The following EI24 variants were observed in gnomAD, a reference collection of about 807,000 sequenced individuals.
The protein encoded by EI24 is EI24 autophagy associated transmembrane protein.
Under a neutral mutation model 48.6 loss-of-function variants are expected in EI24, and 21 were observed. The observed-to-expected ratio is 0.43, with a 90% confidence interval of 0.31 to 0.62. The LOEUF (loss-of-function observed/expected upper bound fraction) is 0.62, where lower values mean the gene tolerates loss of function less well. Ranked by LOEUF, EI24 falls within the 20% of genes least tolerant of loss-of-function variation. The pLI is 0.10. For synonymous variants in EI24, 114 were observed against 145.5 expected (o/e 0.78, Z 1.56); for missense variants, 280 against 410.5 (o/e 0.68, Z 2.75).
intron 10 of EI24, among the ~76,000 whole-genome samples, 176 bp downstream of exon 10, chr11:125,582,596 A>G (rs1425103079): frequency 1.3e-5 from 2 of 152,226 alleles, no homozygotes; most frequent in Non-Finnish European, 2.9e-5. Flanking sequence ...CCATGCATAT[A>G]TGCACATGAG....
At chr11:125,577,361 C>T (rs1049175024) in intron 4 of EI24, 143 bp from the exon 5 acceptor site, 9 of 692,708 alleles carry the variant, frequency 1.3e-5, no homozygotes, top group Non-Finnish European at 2.2e-5. Context: ...CAAAGTGAAC[C>T]ACCGCGCATG....
In EI24 at chr11:125,578,091, TTCCATTTC is replaced by T. The variant is rs3831427; in HGVS notation, c.317-32_317-25del. On this transcript the variant is annotated intron_variant, in intron 5 of 10. Transcript: ENST00000278903. ...GGGTTCCGCATTTGGTCTTCTGGATTTCCATTTCTCCATTTCTAGTAACTCGTTTCCTC... is the reference window on the plus strand; with the variant it reads ...GGGTTCCGCATTTGGTCTTCTGGATTTCCATTTCTAGTAACTCGTTTCCTC... 637 of 1,611,228 alleles carry T rather than the reference TTCCATTTC, an allele frequency of 4.0e-4. 6 individuals carry two copies. In the East Asian group the frequency reaches 0.013, roughly 34 times the overall value.
intron 2 of EI24, among the ~76,000 whole-genome samples, chr11:125,574,547 T>C (rs1345498419): frequency 1.3e-5 from 2 of 152,236 alleles, no homozygotes; most frequent in Non-Finnish European, 2.9e-5. Context: ...CCAGCTATTA[T>C]TTCTAAAATT....
At chr11:125,577,697 T>C (rs1048723037) in intron 5 of EI24, 127 bp downstream of exon 5, 2 of 809,532 alleles carry the variant, frequency 2.5e-6, no homozygotes, top group East Asian at 2.6e-5. Context: ...TTTTGTTGTT[T>C]TATTCTTTTT....
rs572710406 is a variant in EI24 at position 125,580,872 on chromosome 11, T to G, written c.674-339T>G. 1.9e-5 allele frequency: 3 copies of G among 153,904 alleles called. No individual in the cohort carries two copies. In the East Asian group the frequency reaches 5.7e-4, roughly 29 times the overall value. The allele number at this position is 153,904 out of a possible 1,614,324, so 9.5% of individuals were successfully genotyped here. ...TGGGTGGATCGCCTGAGGTCAGGAG[T>G]TCAAGACCAGCTTGGCCAATATGGT... On this transcript the variant is annotated intron_variant, in intron 8 of 10. Transcript: ENST00000278903.
At chr11:125,582,187 C>T (rs369272816) in intron 9 of EI24, among the ~76,000 whole-genome samples, 159 bp from the exon 10 acceptor site, 7 of 151,208 alleles carry the variant, frequency 4.6e-5, no homozygotes, top group Non-Finnish European at 7.4e-5. Flanking sequence ...GACAAGAACG[C>T]GACTCCATCT....
chr11:125,581,250 A>G lies in EI24; in HGVS notation c.713A>G (p.Asn238Ser). The change falls in exon 9 of 11, where the codon AAT (asparagine) becomes AGT (serine). Residue 238 changes from asparagine to serine, a missense_variant. Asn to Ser is a conservative substitution (Grantham distance 46, BLOSUM62 1). Transcript: ENST00000278903. ...CAGCGGTTGTCTAACATAGAAAGGA[A>G]TTGGCCTTACTACTTTGGGTTTGGT... Reference protein sequence around the residue: ...MHQRLSNIERNWPYYFGFGLP... With the variant: ...MHQRLSNIERSWPYYFGFGLP... 1 of 1,612,420 alleles carries G rather than the reference A, an allele frequency of 6.2e-7. No individual in the cohort carries two copies. Among genetic ancestry groups the G allele is most frequent in the Non-Finnish European group, 8.5e-7 (1 of 1,178,974 alleles).
chr11:125,579,179 A>G (rs760314605), intron 7 of EI24, 111 bp downstream of exon 7: 6 of 928,606 alleles, frequency 6.5e-6, no homozygotes, highest in Non-Finnish European at 8.8e-6. Context: ...TATTATATAT[A>G]TGCTGGTGGG....
At chr11:125,578,372 G>A (rs1017151498) in intron 6 of EI24, 115 bp downstream of exon 6, 4 of 1,338,672 alleles carry the variant, frequency 3.0e-6, no homozygotes, top group Non-Finnish European at 1.0e-6. Flanking sequence ...CAGCCTTAAT[G>A]TTTCTTGGCC....
Position 125,575,342 on chromosome 11 carries a change from G to A in EI24, c.122G>A (p.Arg41His), listed in dbSNP as rs559933286. The change falls in exon 3 of 11, where the codon CGT becomes CAT. Residue 41 changes from arginine to histidine, a missense_variant. Arg to His is a conservative substitution (Grantham distance 29). Transcript: ENST00000278903. ...ATCCAGCAAAAGAGAGAGGAGCAGC[G>A]TCGAAGAAGGGCAAGTAGTGTCTTG... Reference protein sequence around the residue: ...ARIQQKREEQRRRRASSVLAQ... With the variant: ...ARIQQKREEQHRRRASSVLAQ... 2.8e-5 allele frequency: 45 copies of A among 1,581,214 alleles called. No individual in the cohort carries two copies. Among genetic ancestry groups the A allele is most frequent in the East Asian group, 2.1e-4 (9 of 43,224 alleles).
intron 2 of EI24, among the ~76,000 whole-genome samples, chr11:125,574,566 C>G (rs1938658500): frequency 6.6e-6 from 1 of 152,196 alleles, no homozygotes; most frequent in Non-Finnish European, 1.5e-5. Context: ...TTCGTTTTGT[C>G]TGATAACAGT....
At chr11:125,570,007 G>T (rs1370945168) in intron 1 of EI24, 1 of 153,584 alleles carries the variant, frequency 6.5e-6, no homozygotes, top group Non-Finnish European at 1.4e-5. Flanking sequence ...TGTTTGCCGA[G>T]ACTTGGGTTT....
chr11:125,574,362 C>CAT (rs1938651284), intron 2 of EI24, among the ~76,000 whole-genome samples: 2 of 152,152 alleles, frequency 1.3e-5, no homozygotes, highest in African/African-American at 4.8e-5. Flanking sequence ...ATCATCCTAG[C>CAT]ATGTACTAGG....
chr11:125,572,335 T>C (rs545185273), intron 1 of EI24, 123 bp from the exon 2 acceptor site: 1 of 606,854 alleles, frequency 1.6e-6, no homozygotes, highest in East Asian at 2.7e-5. Flanking sequence ...ACTCTATTAG[T>C]GCTAGAATCT....
chr11:125,571,113 C>T (rs550229490), intron 1 of EI24, among the ~76,000 whole-genome samples: 25 of 152,160 alleles, frequency 1.6e-4, no homozygotes, highest in Non-Finnish European at 3.2e-4. Flanking sequence ...TTCTGAATGG[C>T]ATTAGTCCAG....
At chr11:125,571,678 A>G (rs1282232957) in intron 1 of EI24, among the ~76,000 whole-genome samples, 1 of 152,100 alleles carries the variant, frequency 6.6e-6, no homozygotes, top group East Asian at 1.9e-4. Flanking sequence ...GGAGTTTGAG[A>G]TCAGCCTGGC....
In EI24 at chr11:125,583,651, C is replaced by T; in HGVS notation, c.991C>T (p.Pro331Ser). ...AEKFPSPHPSPAKLKATAGH is the reference protein window; with the variant it reads ...AEKFPSPHPSSAKLKATAGH ...GAAGTTCCCTTCACCGCATCCGTCG[C>T]CTGCCAAACTGAAGGCTACTGCAGG... is the stretch of plus-strand genomic sequence containing the variant. The change falls in exon 11 of 11, where the codon CCT becomes TCT. Residue 331 changes from proline (P) to serine (S), a missense_variant. Pro to Ser is a moderately conservative substitution (Grantham distance 74, BLOSUM62 -1). Around this residue, in one of 3 missense-constraint regions of EI24, gnomAD observed 62 missense variants for 65.1 expected, o/e 0.95. Transcript: ENST00000278903. The T allele has an allele frequency of 6.2e-7, 1 of 1,613,400 alleles. No individual in the cohort carries two copies. The highest frequency in any genetic ancestry group is 8.5e-7 in the Non-Finnish European group (1 of 1,179,684).
intron 7 of EI24, among the ~76,000 whole-genome samples, chr11:125,579,572 C>T (rs1265498309): frequency 1.3e-5 from 2 of 152,138 alleles, no homozygotes; most frequent in African/African-American, 4.8e-5. Flanking sequence ...GAAGCTGAGG[C>T]AGGAGAATCG....
chr11:125,577,506 C>A lies in EI24; in HGVS notation c.252C>A (p.Phe84Leu). 6.2e-7 allele frequency: 1 copy of A among 1,611,516 alleles called. No individual in the cohort carries two copies. The highest frequency in any genetic ancestry group is 1.3e-5 in the African/African-American group (1 of 74,894). The part of the protein sequence containing the change: ...CCAWNGGVFW[F>L]SLLLFYRVFI... The stretch of plus-strand genomic sequence containing the variant: ...GCCTTGTTGCTTCTTTTCTTTAGTT[C>A]AGTCTCCTCTTGTTTTATCGAGTAT... The change falls in exon 5 of 11, where the codon TTC becomes TTA. Residue 84 changes from phenylalanine (F) to leucine (L), a missense_variant and splice_region_variant. Coordinates refer to ENST00000278903, the MANE Select transcript of EI24 (RefSeq NM_004879.5).
Sources: allele counts gnomAD v4.1 joint callset (sites outside exome capture counted in the v4.1 genomes callset), GRCh38; gene constraint gnomAD v4.1.1; regional missense constraint gnomAD v4.1.1; transcripts MANE v1.5; gene names NCBI Gene and HGNC (gene_info 2026-07-23, HGNC 2026-07-21).